Variants in OPCML observed in about 807,000 individuals in gnomAD.
OPCML encodes the protein opioid-binding protein/cell adhesion molecule.
Under a neutral mutation model 37.8 loss-of-function variants are expected in OPCML, and 13 were observed. The observed-to-expected ratio is 0.34, with a 90% CI of 0.22 to 0.55. OPCML has a LOEUF of 0.55. Ranked by LOEUF, OPCML falls within the 20% of genes least tolerant of loss-of-function variation. The pLI, the probability that OPCML is intolerant of heterozygous loss-of-function variation, is 0.91. For synonymous variants in OPCML, 176 were observed against 168.8 expected, an observed-to-expected ratio of 1.04 and a Z score of -0.33; for missense variants, 341 against 435.6, an observed-to-expected ratio of 0.78 and a Z score of 1.93.
At chr11:132,489,319 T>G (rs2137059945) in intron 4 of OPCML, among the ~76,000 whole-genome samples, 1 of 152,254 alleles carries the variant, frequency 6.6e-6, no homozygotes, top group South Asian at 2.1e-4. Context: ...AATGCCTTCT[T>G]TGGGATCCCT....
intron 2 of OPCML, among the ~76,000 whole-genome samples, chr11:132,837,623 A>G (rs1435361863): frequency 6.6e-6 from 1 of 152,204 alleles, no homozygotes; most frequent in African/African-American, 2.4e-5. Context: ...ACATACATAC[A>G]AAGGTGTGCA....
intron 1 of OPCML, chr11:133,004,100 T>C: frequency 2.0e-6 from 2 of 985,320 alleles, no homozygotes; most frequent in South Asian, 9.4e-5. Context: ...GTGTTCTAGC[T>C]TGGAAGGAAG....
chr11:132,623,954 A>G (rs771976904), intron 3 of OPCML, among the ~76,000 whole-genome samples: 4 of 152,174 alleles, frequency 2.6e-5, no homozygotes, highest in Non-Finnish European at 5.9e-5. Flanking sequence ...TGTTGGATGG[A>G]TTGCTCTTTT....
chr11:132,471,792 G>A (rs575410910), intron 4 of OPCML, among the ~76,000 whole-genome samples: 3 of 152,106 alleles, frequency 2.0e-5, no homozygotes, highest in Non-Finnish European at 4.4e-5. Flanking sequence ...GGATAGCCAC[G>A]GACCTAGCTA....
At chr11:132,527,532 T>C (rs964743618) in intron 4 of OPCML, among the ~76,000 whole-genome samples, 4 of 152,196 alleles carry the variant, frequency 2.6e-5, no homozygotes, top group Admixed American at 2.0e-4. Context: ...TGTATCTTCT[T>C]TTGGAATTGC....
At chr11:133,034,944 A>G (rs1382511687) in intron 1 of OPCML, among the ~76,000 whole-genome samples, 1 of 152,136 alleles carries the variant, frequency 6.6e-6, no homozygotes, top group Non-Finnish European at 1.5e-5. Context: ...GGCATGATGC[A>G]ATGGGAGCTC....
At chr11:133,491,107 G>T (rs2120442471) in intron 1 of OPCML, among the ~76,000 whole-genome samples, 1 of 152,346 alleles carries the variant, frequency 6.6e-6, no homozygotes, top group African/African-American at 2.4e-5. Context: ...CTATGGGAAA[G>T]TTGATCAAAG....
At chr11:133,320,027 G>A (rs934645267) in intron 1 of OPCML, among the ~76,000 whole-genome samples, 4 of 152,198 alleles carry the variant, frequency 2.6e-5, no homozygotes, top group Non-Finnish European at 5.9e-5. Context: ...CGTCCTTGAT[G>A]TTGATGGATG....
chr11:132,497,260 GGA>G (rs1394187669), intron 4 of OPCML, among the ~76,000 whole-genome samples: 2 of 151,932 alleles, frequency 1.3e-5, no homozygotes, highest in Non-Finnish European at 2.9e-5. Context: ...TGGGGAGTGG[GGA>G]GAGAGAGCAT....
intron 3 of OPCML, among the ~76,000 whole-genome samples, chr11:132,539,850 G>C (rs888493949): frequency 6.6e-6 from 1 of 152,042 alleles, no homozygotes; most frequent in South Asian, 2.1e-4. Flanking sequence ...GGGTAATAAG[G>C]GTGGTGAAGA....
At chr11:132,880,491 A>G (rs1320918456) in intron 2 of OPCML, among the ~76,000 whole-genome samples, 1 of 152,250 alleles carries the variant, frequency 6.6e-6, no homozygotes, top group East Asian at 1.9e-4. Flanking sequence ...ATGAGGATTC[A>G]TATGAATTAA....
chr11:132,679,030 G>A (rs1025676809), intron 2 of OPCML, among the ~76,000 whole-genome samples: 1 of 152,006 alleles, frequency 6.6e-6, no homozygotes. Flanking sequence ...ACCTAAAACT[G>A]CTCTAAAAAT....
chr11:133,144,574 T>C (rs1949872050), intron 1 of OPCML, among the ~76,000 whole-genome samples: 1 of 152,220 alleles, frequency 6.6e-6, no homozygotes, highest in Non-Finnish European at 1.5e-5. Flanking sequence ...ATGGGAAGCA[T>C]CTAGCACGCT....
chr11:132,430,407 G>A lies in OPCML; in HGVS notation c.916+5679C>T, dbSNP rs141154055. Among the ~76,000 whole-genome samples, 509 of 152,324 alleles carry A rather than the reference G, an allele frequency of 3.3e-3. 1 individual carries two copies. Among genetic ancestry groups the A allele is most frequent in the African/African-American group, 0.012 (479 of 41,586 alleles). On this transcript the variant is annotated intron_variant, in intron 7 of 7. Transcript: ENST00000524381. ...CAGATGAGAGCCGCTGCCTGGTGCAGGCTCTGGCAGAAGGAAGTCCGGCTC... is the reference window on the plus strand; with the variant it reads ...CAGATGAGAGCCGCTGCCTGGTGCAAGCTCTGGCAGAAGGAAGTCCGGCTC...
intron 1 of OPCML, among the ~76,000 whole-genome samples, chr11:133,086,037 T>C (rs1360181729): frequency 6.6e-6 from 1 of 152,230 alleles, no homozygotes; most frequent in African/African-American, 2.4e-5. Flanking sequence ...ATGATCCCTC[T>C]CTGTGCATTT....
chr11:133,373,252 T>C (rs1944714329), intron 1 of OPCML, among the ~76,000 whole-genome samples: 1 of 151,522 alleles, frequency 6.6e-6, no homozygotes, highest in Non-Finnish European at 1.5e-5. Context: ...TTAACAAAAG[T>C]TCCTGTTCCT....
intron 1 of OPCML, among the ~76,000 whole-genome samples, chr11:133,018,666 G>A (rs899607466): frequency 1.3e-5 from 2 of 152,226 alleles, no homozygotes; most frequent in Non-Finnish European, 2.9e-5. Context: ...CAGCCCTTGA[G>A]AAGCCGTTCA....
At chr11:133,248,829 T>C (rs1405237186) in intron 1 of OPCML, among the ~76,000 whole-genome samples, 2 of 152,134 alleles carry the variant, frequency 1.3e-5, no homozygotes, top group East Asian at 3.9e-4. Context: ...GTCATAGCAT[T>C]TTCAAGTATT....
intron 3 of OPCML, among the ~76,000 whole-genome samples, chr11:132,577,715 A>G (rs1159445530): frequency 6.6e-6 from 1 of 152,212 alleles, no homozygotes; most frequent in East Asian, 1.9e-4. Flanking sequence ...TTCTTAGTAA[A>G]CACCACCTCT....
Sources: allele counts gnomAD v4.1 joint callset (sites outside exome capture counted in the v4.1 genomes callset), GRCh38; gene constraint gnomAD v4.1.1; transcripts MANE v1.5; gene names NCBI Gene and HGNC (gene_info 2026-07-23, HGNC 2026-07-21).